CFAP263: variants seen among roughly 807,000 people sequenced by gnomAD.
CFAP263 encodes cilia- and flagella-associated protein 263.
At chr16:58,278,222 G>A in the CFAP263 span, among the ~76,000 whole-genome samples, 1 of 152,126 alleles carries the variant, frequency 6.6e-6, no homozygotes, top group Non-Finnish European at 1.5e-5. Context: ...TAATAAAGGA[G>A]AGGAAGAGGA....
At chr16:58,271,815 G>C in the CFAP263 span, among the ~76,000 whole-genome samples, 7 of 152,112 alleles carry the variant, frequency 4.6e-5, no homozygotes, top group Non-Finnish European at 7.4e-5. Context: ...GTATGTTATA[G>C]ATTTCTTCAC....
the CFAP263 span, chr16:58,259,959 CTCTGTT>C: frequency 1.9e-5 from 28 of 1,494,086 alleles, no homozygotes; most frequent in Non-Finnish European, 2.5e-5. Context: ...TTCTCTCTCT[CTCTGTT>C]TCTTTTTAAG....
At chr16:58,268,175 C>G in the CFAP263 span, among the ~76,000 whole-genome samples, 2 of 152,170 alleles carry the variant, frequency 1.3e-5, no homozygotes, top group African/African-American at 4.8e-5. Context: ...GTCCTGGGCT[C>G]ACTCCAAGGC....
the CFAP263 span, chr16:58,279,886 C>T: frequency 1.9e-4 from 164 of 883,588 alleles, 1 homozygote; most frequent in Non-Finnish European, 1.6e-4. Context: ...GTGTTCCCAA[C>T]CCCCCACCCA....
the CFAP263 span, among the ~76,000 whole-genome samples, chr16:58,279,430 G>A: frequency 6.6e-6 from 1 of 152,114 alleles, no homozygotes; most frequent in Non-Finnish European, 1.5e-5. Context: ...TAGCAGAATC[G>A]TGGCAGGAAC....
chr16:58,259,834 A>G, the CFAP263 span: 26 of 1,455,120 alleles, frequency 1.8e-5, no homozygotes, highest in African/African-American at 8.4e-5. Flanking sequence ...AATGCATTAA[A>G]ATATGCCTTT....
the CFAP263 span, among the ~76,000 whole-genome samples, chr16:58,270,913 T>C: frequency 6.6e-6 from 1 of 152,310 alleles, no homozygotes; most frequent in Admixed American, 6.5e-5. Flanking sequence ...ATCTGGCGTT[T>C]CTTATGCAAA....
At chr16:58,256,382 A>T in the CFAP263 span, among the ~76,000 whole-genome samples, 1 of 152,194 alleles carries the variant, frequency 6.6e-6, no homozygotes, top group East Asian at 1.9e-4. Flanking sequence ...GGTAGGGCTT[A>T]AAAGAGACTT....
At chr16:58,278,541 G>A in the CFAP263 span, 4 of 1,614,090 alleles carry the variant, frequency 2.5e-6, no homozygotes, top group African/African-American at 2.7e-5. Flanking sequence ...CCGAGTTCCG[G>A]GCACCACAGG....
chr16:58,260,036 C>A, the CFAP263 span: 1 of 691,550 alleles, frequency 1.4e-6, no homozygotes, highest in Non-Finnish European at 2.5e-6. Context: ...TATCCTAAAC[C>A]CTGGAATCTG....
the CFAP263 span, among the ~76,000 whole-genome samples, chr16:58,263,527 A>G: frequency 6.6e-6 from 1 of 152,198 alleles, no homozygotes. Context: ...GACCCCTCGC[A>G]TAGTGCTCAG....
the CFAP263 span, chr16:58,280,806 T>C: frequency 6.6e-7 from 1 of 1,508,492 alleles, no homozygotes; most frequent in East Asian, 2.3e-5. Flanking sequence ...CTAGTTTTTG[T>C]TGTAAATCTA....
the CFAP263 span, among the ~76,000 whole-genome samples, chr16:58,260,846 G>A: frequency 6.6e-6 from 1 of 152,168 alleles, no homozygotes; most frequent in South Asian, 2.1e-4. Context: ...TTAACAGCAT[G>A]AAGTGATGAA....
chr16:58,258,543 T>A, the CFAP263 span: 1 of 1,609,082 alleles, frequency 6.2e-7, no homozygotes, highest in Admixed American at 1.7e-5. Flanking sequence ...CAGACAGAGC[T>A]TAGAAAGGGA....
chr16:58,256,822 T>G, the CFAP263 span, among the ~76,000 whole-genome samples: 2 of 149,790 alleles, frequency 1.3e-5, no homozygotes, highest in Admixed American at 1.4e-4. Flanking sequence ...ACCATTCCAT[T>G]TTATTTTTTA....
At chr16:58,282,257 G>A in the CFAP263 span, 4 of 151,844 alleles carry the variant, frequency 2.6e-5, no homozygotes, top group South Asian at 2.1e-4. Flanking sequence ...CACCCGCCTC[G>A]GCCTCCCCAA....
At chr16:58,255,530 G>A in the CFAP263 span, among the ~76,000 whole-genome samples, 1 of 151,610 alleles carries the variant, frequency 6.6e-6, no homozygotes, top group Non-Finnish European at 1.5e-5. Context: ...AACCATCACA[G>A]TCAGTGAATT....
the CFAP263 span, chr16:58,278,483 A>G: frequency 6.2e-7 from 1 of 1,613,930 alleles, no homozygotes; most frequent in Non-Finnish European, 8.5e-7. Context: ...CCAACCCAGG[A>G]CCGGGCCAAA....
At chr16:58,260,194 T>C in the CFAP263 span, among the ~76,000 whole-genome samples, 1 of 152,102 alleles carries the variant, frequency 6.6e-6, no homozygotes, top group Non-Finnish European at 1.5e-5. Flanking sequence ...GGAGAAGCTA[T>C]GATAACAGAA....
Sources: allele counts gnomAD v4.1 joint callset (sites outside exome capture counted in the v4.1 genomes callset), GRCh38; gene constraint gnomAD v4.1.1; transcripts MANE v1.5; gene names NCBI Gene and HGNC (gene_info 2026-07-23, HGNC 2026-07-21).